FSIP2: variants seen among roughly 807,000 people sequenced by gnomAD.
FSIP2 encodes the protein fibrous sheath interacting protein 2, also known as fibrous sheath-interacting protein 2.
In FSIP2, 367 loss-of-function variants were observed where a neutral mutation model predicts 510.5. That is an observed-to-expected ratio of 0.72 (90% CI 0.66 to 0.78). The LOEUF (loss-of-function observed/expected upper bound fraction) is 0.78. Ranked by LOEUF, FSIP2 falls within the 30% of genes least tolerant of loss-of-function variation. The probability of loss-of-function intolerance (pLI) is 0.00; values close to 1 mark genes in which losing one functional copy is unlikely to be tolerated. For synonymous variants in FSIP2, 2,601 were observed against 2,732.2 expected (o/e 0.95, Z 1.50); for missense variants, 7,594 against 7,901.7 (o/e 0.96, Z 1.48).
chr2:185,808,885 A>G lies in FSIP2; in HGVS notation c.19579A>G (p.Lys6527Glu). The change falls in exon 17 of 23, where the codon AAA becomes GAA. Residue 6527 changes from lysine (K) to glutamate (E), a missense_variant. Coordinates refer to ENST00000424728, the MANE Select transcript of FSIP2 (RefSeq NM_173651.4). ...SPIKIVPHVG[K>E]KPVKIDPKII... Reference sequence around the variant, plus strand: ...AATTAAAATAGTTCCACATGTTGGAAAAAAACCAGTCAAAATAGATCCAAA... The same window carrying G: ...AATTAAAATAGTTCCACATGTTGGAGAAAAACCAGTCAAAATAGATCCAAA... 6.2e-7 allele frequency: 1 copy of G among 1,608,034 alleles called. No individual in the cohort carries two copies. Among genetic ancestry groups the G allele is most frequent in the Non-Finnish European group, 8.5e-7 (1 of 1,178,326 alleles).
At chr2:185,737,421 G>A (rs1691805223), upstream of FSIP2, among the ~76,000 whole-genome samples, 1 of 152,126 alleles carries the variant, frequency 6.6e-6, no homozygotes, top group African/African-American at 2.4e-5. Flanking sequence ...GGTAGATGGT[G>A]GCAGGGAGAT....
At position 185,782,759 on chromosome 2, in the gene FSIP2, AT is replaced by A; in HGVS notation, c.1467del (p.Asn489LysfsTer15). The A allele has an allele frequency of 6.9e-7, 1 of 1,443,880 alleles. No homozygotes were observed. The highest frequency in any genetic ancestry group is 9.4e-7 in the Non-Finnish European group (1 of 1,062,910). 89.4% of individuals were successfully genotyped at this position (1,443,880 alleles called of 1,614,324 possible). On this transcript the variant is annotated frameshift_variant and splice_region_variant, in exon 14 of 23. Transcript: ENST00000424728. LOFTEE classifies it high-confidence loss of function. ...PGIFSSPVYT[N>X]MQQNLLQNCL... ...ATATTTTCTTCTCCTGTTTACACAA[AT>A]ATGTAAGTACCTAAGGAATTATATA...
chr2:185,828,961 A>G (rs760059127), intron 21 of FSIP2, among the ~76,000 whole-genome samples: 2 of 151,850 alleles, frequency 1.3e-5, no homozygotes, highest in East Asian at 3.9e-4. Flanking sequence ...TACACTTAAG[A>G]TATATTTTTT....
chr2:185,761,513 G>C (rs1399395147), intron 10 of FSIP2, among the ~76,000 whole-genome samples: 1 of 151,222 alleles, frequency 6.6e-6, no homozygotes, highest in Non-Finnish European at 1.5e-5. Flanking sequence ...TGTCTAGTGA[G>C]GCAGCAGACA....
In FSIP2 at chr2:185,803,570, C is replaced by T. The variant is rs1344728115; in HGVS notation, c.14264C>T (p.Ser4755Leu). The T allele has an allele frequency of 3.3e-6, 5 of 1,532,472 alleles. No individual in the cohort carries two copies. The African/African-American group carries it at 5.5e-5, about 17-fold the overall frequency. 94.9% of individuals were successfully genotyped at this position (1,532,472 alleles called of 1,614,324 possible). Reference sequence around the variant, plus strand: ...CTTATAGCAAATCTGCCTTTTAAATCACATTCCAAACTCAGTGCAAATGTT... The same window carrying T: ...CTTATAGCAAATCTGCCTTTTAAATTACATTCCAAACTCAGTGCAAATGTT... ...PDLIANLPFK[S>L]HSKLSANVLI... is the part of the protein sequence containing the mutation. Residue 4755 changes from serine to leucine, a missense_variant, in exon 17 of 23, where the codon TCA (serine) becomes TTA (leucine). Coordinates refer to ENST00000424728, the MANE Select transcript of FSIP2 (RefSeq NM_173651.4).
intron 10 of FSIP2, among the ~76,000 whole-genome samples, chr2:185,761,374 G>C (rs1312780489): frequency 6.6e-6 from 1 of 151,026 alleles, no homozygotes; most frequent in Admixed American, 6.6e-5. Context: ...ATATACTATT[G>C]ACTAGGTGTT....
intron 13 of FSIP2, among the ~76,000 whole-genome samples, chr2:185,772,601 G>T (rs1329033375): frequency 6.6e-6 from 1 of 152,050 alleles, no homozygotes; most frequent in African/African-American, 2.4e-5. Flanking sequence ...GCTGTAAGGA[G>T]GGCACCAAGT....
At position 185,808,319 on chromosome 2, in the gene FSIP2, G is replaced by T; in HGVS notation, c.19013G>T (p.Arg6338Ile). Residue 6338 changes from arginine to isoleucine, a missense_variant, in exon 17 of 23, where the codon AGA becomes ATA. Coordinates refer to ENST00000424728, the MANE Select transcript of FSIP2 (RefSeq NM_173651.4). ...ELKSKEKSSSRKGLTLDAKLL... is the reference protein window; with the variant it reads ...ELKSKEKSSSIKGLTLDAKLL... ...AAGTCTAAGGAAAAGTCTTCATCCAGAAAAGGTTTGACATTAGATGCCAAA... is the reference window on the plus strand; with the variant it reads ...AAGTCTAAGGAAAAGTCTTCATCCATAAAAGGTTTGACATTAGATGCCAAA... 6.2e-7 allele frequency: 1 copy of T among 1,608,760 alleles called. No homozygotes were observed. Among genetic ancestry groups the T allele is most frequent in the Non-Finnish European group, 8.5e-7 (1 of 1,178,274 alleles).
chr2:185,797,718 T>C, intron 16 of FSIP2, 192 bp downstream of exon 16: 1 of 610,756 alleles, frequency 1.6e-6, no homozygotes, highest in African/African-American at 1.8e-5. Context: ...TTAGAAATAG[T>C]GTCTCTGTCA....
intron 20 of FSIP2, among the ~76,000 whole-genome samples, chr2:185,825,184 T>C (rs2105684828): frequency 6.6e-6 from 1 of 151,950 alleles, no homozygotes; most frequent in Admixed American, 6.6e-5. Context: ...ATCAAGATAA[T>C]CCATAAAATA....
Position 185,792,943 on chromosome 2 carries a change from T to A in FSIP2, c.5807T>A (p.Val1936Glu). 6.5e-7 allele frequency: 1 copy of A among 1,534,264 alleles called. No individual in the cohort carries two copies. Among genetic ancestry groups the A allele is most frequent in the Non-Finnish European group, 8.7e-7 (1 of 1,145,628 alleles). ...TNLETFATSK[V>E]KSLFYSQVNF... ...TTAGAAACTTTTGCTACTTCCAAAGTAAAATCTCTCTTTTATTCTCAAGTC... is the reference window on the plus strand; with the variant it reads ...TTAGAAACTTTTGCTACTTCCAAAGAAAAATCTCTCTTTTATTCTCAAGTC... Residue 1936 changes from valine to glutamate, a missense_variant, in exon 16 of 23, where the codon GTA becomes GAA. Transcript: ENST00000424728.
intron 1 of FSIP2, 59 bp downstream of exon 1, chr2:185,739,052 C>T: frequency 3.3e-6 from 5 of 1,496,774 alleles, no homozygotes; most frequent in Non-Finnish European, 4.4e-6. Flanking sequence ...TGCTGGGGAG[C>T]GGGGCAGGGA....
At position 185,767,571 on chromosome 2, in the gene FSIP2, G is replaced by T. The variant is rs1574164973; in HGVS notation, c.1411+3006G>T. Among the ~76,000 whole-genome samples, 4 of 152,074 alleles carry T rather than the reference G, an allele frequency of 2.6e-5. No individual in the cohort carries two copies. The South Asian group carries it at 8.3e-4, about 32-fold the overall frequency. On this transcript the variant is annotated intron_variant, in intron 13 of 22. Transcript: ENST00000424728. ...TTCTGCATTTAGCTTATTACACTTA[G>T]CATGATGTTCTCCAAGTTCTTTGAT...
Position 185,789,208 on chromosome 2 carries a change from A to C in FSIP2, c.2072A>C (p.Asn691Thr). The C allele has an allele frequency of 6.5e-7, 1 of 1,534,428 alleles. No individual in the cohort carries two copies. Among genetic ancestry groups the C allele is most frequent in the Non-Finnish European group, 8.7e-7 (1 of 1,145,708 alleles). ...ATGGATGAAATGAAGAATTTAAAAA[A>C]TGTTTTTGTTAACTTTAAATGTTAC... ...KAMDEMKNLK[N>T]VFVNFKCYLK... Residue 691 changes from asparagine to threonine, a missense_variant, in exon 16 of 23, where the codon AAT becomes ACT. Physicochemically the swap from Asn to Thr is moderately conservative, Grantham distance 65. Coordinates refer to ENST00000424728, the MANE Select transcript of FSIP2 (RefSeq NM_173651.4).
intron 7 of FSIP2, among the ~76,000 whole-genome samples, chr2:185,753,488 G>A (rs1270930664): frequency 6.6e-6 from 1 of 151,404 alleles, no homozygotes; most frequent in Non-Finnish European, 1.5e-5. Flanking sequence ...ATCAGAAACT[G>A]AATTAGTTCT....
intron 13 of FSIP2, among the ~76,000 whole-genome samples, chr2:185,779,913 A>C (rs2105591125): frequency 6.6e-6 from 1 of 150,780 alleles, no homozygotes; most frequent in Middle Eastern, 3.5e-3. Flanking sequence ...GGTATGAGTA[A>C]GTTTCAGGGG....
In FSIP2 at chr2:185,798,049, G is replaced by A. The variant is rs140008597; in HGVS notation, c.10390+523G>A. Among the ~76,000 whole-genome samples the A allele has an allele frequency of 5.3e-3, 804 of 151,872 alleles. 7 individuals carry two copies. Among genetic ancestry groups the A allele is most frequent in the Admixed American group, 9.7e-3 (147 of 15,204 alleles). ...AATAAAAATAAATAAATGTTTTCAG[G>A]ATTTGAATTTGAAGGATGTGTTGCT... On this transcript the variant is annotated intron_variant, in intron 16 of 22. Transcript: ENST00000424728.
intron 7 of FSIP2, among the ~76,000 whole-genome samples, chr2:185,752,783 A>G (rs989528417): frequency 6.6e-6 from 1 of 151,212 alleles, no homozygotes; most frequent in Non-Finnish European, 1.5e-5. Context: ...TTTTGAGTCC[A>G]TTTCAGTTGA....
At chr2:185,771,580 G>T (rs1468137537) in intron 13 of FSIP2, among the ~76,000 whole-genome samples, 1 of 152,312 alleles carries the variant, frequency 6.6e-6, no homozygotes, top group African/African-American at 2.4e-5. Context: ...GCTGAGCAGA[G>T]GATCAGTTTC....
Sources: allele counts gnomAD v4.1 joint callset (sites outside exome capture counted in the v4.1 genomes callset), GRCh38; gene constraint gnomAD v4.1.1; transcripts MANE v1.5; gene names NCBI Gene and HGNC (gene_info 2026-07-23, HGNC 2026-07-21).